SLC9A9: variants seen among roughly 807,000 people sequenced by gnomAD.
The protein encoded by SLC9A9 is sodium/hydrogen exchanger 9.
SLC9A9 carries 62 observed loss-of-function variants against 77.8 expected under a neutral mutation model. The ratio of observed to expected loss-of-function variants is 0.80; its 90% confidence interval spans 0.65 to 0.98. The LOEUF (loss-of-function observed/expected upper bound fraction) is 0.98. Ranked by LOEUF, SLC9A9 falls within the 50% of genes least tolerant of loss-of-function variation. The pLI is 0.00. For synonymous variants in SLC9A9, 320 were observed against 283.5 expected (o/e 1.13, Z -1.29); for missense variants, 775 against 774.9 (o/e 1.00, Z 0.00).
At position 143,824,574 on chromosome 3, in the gene SLC9A9, C is replaced by G. The variant is rs1466649194; in HGVS notation, c.378+7445G>C. Among the ~76,000 whole-genome samples the G allele has an allele frequency of 2.6e-5, 4 of 152,188 alleles. No individual in the cohort carries two copies. In the East Asian group the frequency reaches 7.7e-4, roughly 29 times the overall value. On this transcript the variant is annotated intron_variant, in intron 2 of 15. Transcript: ENST00000316549. ...GATTACAAATGCTTGTGCTGAACTT[C>G]CTTTGTCTATCCCCCTCCAGGAAGT...
At position 143,574,110 on chromosome 3, in the gene SLC9A9, A is replaced by C. The variant is rs1331190683; in HGVS notation, c.978T>G (p.Ser326=). Residue 326 remains serine (S), a synonymous_variant, in exon 8 of 16, where the codon TCT becomes TCG. Transcript: ENST00000316549. The stretch of plus-strand genomic sequence containing the variant: ...GACCTGTTAGGCCGGCAGCCTCGGC[A>C]GACAGGAAGGCACTCCAAGAAAGCA... ...FFLLSWSAFL[S]AEAAGLTGIV... 2.5e-6 allele frequency: 4 copies of C among 1,613,494 alleles called. No individual in the cohort carries two copies. The South Asian group carries it at 4.4e-5, about 18-fold the overall frequency.
chr3:143,422,266 A>G (rs2034313274), intron 12 of SLC9A9, among the ~76,000 whole-genome samples: 1 of 152,212 alleles, frequency 6.6e-6, no homozygotes, highest in African/African-American at 2.4e-5. Flanking sequence ...CCAAAGGAAA[A>G]TAAATTGTTC....
intron 6 of SLC9A9, among the ~76,000 whole-genome samples, chr3:143,634,847 A>G (rs570284219): frequency 3.9e-5 from 6 of 152,128 alleles, no homozygotes; most frequent in Admixed American, 3.3e-4. Context: ...AATATATATT[A>G]CTCCCTCCTT....
In SLC9A9 at chr3:143,334,617, G is replaced by A. The variant is rs538817619; in HGVS notation, c.1604+28867C>T. Among the ~76,000 whole-genome samples, 3 of 152,288 alleles carry A rather than the reference G, an allele frequency of 2.0e-5. No individual in the cohort carries two copies. In the East Asian group the frequency reaches 5.8e-4, roughly 29 times the overall value. ...CATAATGTTATTGTGTGTATTAAAT[G>A]AAATCATGCATGTAAGGTATGTATC... On this transcript the variant is annotated intron_variant, in intron 14 of 15. Transcript: ENST00000316549.
At chr3:143,829,911 C>T (rs2009391825) in intron 2 of SLC9A9, among the ~76,000 whole-genome samples, 1 of 152,096 alleles carries the variant, frequency 6.6e-6, no homozygotes, top group Admixed American at 6.6e-5. Flanking sequence ...TTTTAAGCTC[C>T]TCACTTCACA....
chr3:143,534,484 CT>C (rs1424949211), intron 9 of SLC9A9, among the ~76,000 whole-genome samples: 2 of 152,180 alleles, frequency 1.3e-5, no homozygotes, highest in African/African-American at 4.8e-5. Flanking sequence ...TCACCCAGAG[CT>C]CTGGAACTGC....
intron 9 of SLC9A9, among the ~76,000 whole-genome samples, chr3:143,540,352 A>ATT (rs2036666599): frequency 1.3e-5 from 2 of 152,204 alleles, no homozygotes. Flanking sequence ...GACAGCACCA[A>ATT]TATTTTGGTG....
At chr3:143,792,403 T>C (rs1024491866) in intron 4 of SLC9A9, among the ~76,000 whole-genome samples, 1 of 152,230 alleles carries the variant, frequency 6.6e-6, no homozygotes, top group Non-Finnish European at 1.5e-5. Flanking sequence ...TTTCTTATTA[T>C]ATGGCTCCCA....
chr3:143,534,065 G>A (rs1386457671), intron 9 of SLC9A9, among the ~76,000 whole-genome samples: 1 of 152,004 alleles, frequency 6.6e-6, no homozygotes, highest in Non-Finnish European at 1.5e-5. Context: ...ACTGTTTATG[G>A]GAAGAAAGCC....
intron 9 of SLC9A9, among the ~76,000 whole-genome samples, chr3:143,499,558 A>T (rs2035894176): frequency 1.3e-5 from 2 of 152,090 alleles, no homozygotes; most frequent in African/African-American, 4.8e-5. Context: ...TTCCACAGTC[A>T]TGTTGCTTTC....
At chr3:143,736,265 C>A (rs974386388) in intron 4 of SLC9A9, among the ~76,000 whole-genome samples, 1 of 152,168 alleles carries the variant, frequency 6.6e-6, no homozygotes, top group Non-Finnish European at 1.5e-5. Flanking sequence ...TTATCACCTA[C>A]TTCCTTCTAT....
chr3:143,315,719 T>C (rs1174724800), intron 14 of SLC9A9, among the ~76,000 whole-genome samples: 3 of 152,172 alleles, frequency 2.0e-5, no homozygotes, highest in African/African-American at 7.2e-5. Flanking sequence ...CAATTTTAGG[T>C]TTTTACATTA....
chr3:143,664,605 C>A (rs897869582), intron 5 of SLC9A9, among the ~76,000 whole-genome samples: 1 of 152,162 alleles, frequency 6.6e-6, no homozygotes, highest in African/African-American at 2.4e-5. Flanking sequence ...CAGAGACACA[C>A]ATAGGCTCAA....
chr3:143,636,863 A>G (rs2038531714), intron 6 of SLC9A9, among the ~76,000 whole-genome samples: 1 of 152,196 alleles, frequency 6.6e-6, no homozygotes, highest in South Asian at 2.1e-4. Context: ...CCACTACACT[A>G]AGGCTATCTA....
chr3:143,818,292 G>A (rs1389268678), intron 2 of SLC9A9, among the ~76,000 whole-genome samples: 1 of 151,998 alleles, frequency 6.6e-6, no homozygotes, highest in Non-Finnish European at 1.5e-5. Context: ...TTAAGAACTG[G>A]GGACTCAGAC....
chr3:143,296,876 G>A (rs999569014), intron 14 of SLC9A9, among the ~76,000 whole-genome samples: 1 of 152,044 alleles, frequency 6.6e-6, no homozygotes, highest in African/African-American at 2.4e-5. Context: ...TAAATTGGGT[G>A]TTTTTTGGCT....
chr3:143,649,868 CA>C (rs1037870881), intron 6 of SLC9A9, among the ~76,000 whole-genome samples: 9 of 151,982 alleles, frequency 5.9e-5, no homozygotes. Context: ...CAAAACCACG[CA>C]AAGATGGAAC....
Position 143,322,626 on chromosome 3 carries a change from C to A in SLC9A9, c.1604+40858G>T, listed in dbSNP as rs999091789. ...GGGGAAGAGGCAACAGGATCTACAC[C>A]TCATTTTACCTTTGAACTAGTTCTT... On this transcript the variant is annotated intron_variant, in intron 14 of 15. Transcript: ENST00000316549. Among the ~76,000 whole-genome samples, 7 of 152,208 alleles carry A rather than the reference C, an allele frequency of 4.6e-5. No homozygotes were observed. The East Asian group carries it at 1.3e-3, about 29-fold the overall frequency.
intron 7 of SLC9A9, among the ~76,000 whole-genome samples, chr3:143,576,942 G>C (rs1177168386): frequency 2.0e-5 from 3 of 152,144 alleles, no homozygotes; most frequent in African/African-American, 7.2e-5. Flanking sequence ...GCCTTTGACT[G>C]TCTCCTTTTC....
Sources: gnomAD v4.1 joint callset for allele counts (sites outside exome capture counted in the v4.1 genomes callset) on GRCh38, gnomAD v4.1.1 for gene constraint, MANE v1.5 for transcripts, NCBI Gene and HGNC (gene_info 2026-07-23, HGNC 2026-07-21) for gene names.